BBS9: variants seen among roughly 807,000 people sequenced by gnomAD.
BBS9 encodes the protein protein PTHB1.
In BBS9, 89 loss-of-function variants were observed where a neutral mutation model predicts 117.7. The ratio of observed to expected loss-of-function variants is 0.76; its 90% CI spans 0.64 to 0.90. The LOEUF (loss-of-function observed/expected upper bound fraction) is 0.90, where lower values mean the gene tolerates loss of function less well. BBS9 is among the 40% of genes least tolerant of loss of function. BBS9 has a pLI of 0.00. For missense variants in BBS9, 982 were observed against 1,042.2 expected, an observed-to-expected ratio of 0.94 and a Z score of 0.80; for synonymous variants, 379 against 370.9, an observed-to-expected ratio of 1.02 and a Z score of -0.25.
At chr7:33,134,593 C>T (rs1454092882) in intron 1 of BBS9, among the ~76,000 whole-genome samples, 1 of 151,798 alleles carries the variant, frequency 6.6e-6, no homozygotes, top group Non-Finnish European at 1.5e-5. Context: ...CTACTTTATT[C>T]ATTTATTTTG....
intron 4 of BBS9, among the ~76,000 whole-genome samples, chr7:33,165,134 T>G (rs1795460539): frequency 6.6e-6 from 1 of 152,242 alleles, no homozygotes; most frequent in Admixed American, 6.5e-5. Context: ...AATTGTTTTC[T>G]TTAAGAATGT....
At chr7:33,154,168 A>G (rs1793761094) in intron 3 of BBS9, among the ~76,000 whole-genome samples, 1 of 152,196 alleles carries the variant, frequency 6.6e-6, no homozygotes, top group Non-Finnish European at 1.5e-5. Flanking sequence ...AAATTTCCAA[A>G]GGTGATACTG....
At chr7:33,149,530 C>G (rs1473142500) in intron 2 of BBS9, among the ~76,000 whole-genome samples, 1 of 152,170 alleles carries the variant, frequency 6.6e-6, no homozygotes, top group African/African-American at 2.4e-5. Context: ...TCTCTCAACT[C>G]AAGATTCAGA....
chr7:33,411,304 G>T (rs945667193), intron 19 of BBS9, among the ~76,000 whole-genome samples: 1 of 152,084 alleles, frequency 6.6e-6, no homozygotes, highest in Admixed American at 6.6e-5. Flanking sequence ...ATCAAGTTCA[G>T]TCATGAGTAG....
intron 5 of BBS9, among the ~76,000 whole-genome samples, chr7:33,222,952 C>CAAA (rs1417016025): frequency 4.0e-5 from 5 of 125,578 alleles, no homozygotes; most frequent in African/African-American, 1.2e-4. Flanking sequence ...GACCCTGTCT[C>CAAA]AAAAAAAAAA....
chr7:33,211,408 C>A lies in BBS9; in HGVS notation c.442+33817C>A, dbSNP rs1023013217. Among the ~76,000 whole-genome samples the A allele has an allele frequency of 1.4e-4, 21 of 152,152 alleles. No homozygotes were observed. The East Asian group carries it at 4.1e-3, about 29-fold the overall frequency. ...TTATTTTAAATTGATGACAGTATAA[C>A]CCTGATTGCATGAACAAAAAACAAA... is the stretch of plus-strand genomic sequence containing the variant. On this transcript the variant is annotated intron_variant, in intron 5 of 22. Coordinates refer to ENST00000242067, the MANE Select transcript of BBS9 (RefSeq NM_198428.3).
intron 19 of BBS9, among the ~76,000 whole-genome samples, chr7:33,446,180 A>G (rs976808963): frequency 1.5e-4 from 23 of 152,182 alleles, no homozygotes; most frequent in African/African-American, 5.5e-4. Flanking sequence ...AAACTCTTTC[A>G]TCATGGAATC....
chr7:33,210,804 G>A (rs1222292458), intron 5 of BBS9, among the ~76,000 whole-genome samples: 1 of 152,132 alleles, frequency 6.6e-6, no homozygotes, highest in Non-Finnish European at 1.5e-5. Flanking sequence ...TTACAGGCAT[G>A]AGCCACCGAG....
chr7:33,617,811 G>C (rs1865216392), intron 21 of BBS9, among the ~76,000 whole-genome samples: 1 of 152,138 alleles, frequency 6.6e-6, no homozygotes, highest in Non-Finnish European at 1.5e-5. Flanking sequence ...AAGAATCAGA[G>C]AGCCCAAAGA....
intron 7 of BBS9, among the ~76,000 whole-genome samples, chr7:33,269,374 A>G (rs184280917): frequency 0.011 from 1,644 of 152,270 alleles, 28 homozygotes; most frequent in African/African-American, 0.038. Flanking sequence ...TATGCCTGTC[A>G]GGGACCCTGG....
rs138227428 is a variant in BBS9 at position 33,289,575 on chromosome 7, A to T, written c.1016+15619A>T. Among the ~76,000 whole-genome samples, 1,346 of 152,298 alleles carry T rather than the reference A, an allele frequency of 8.8e-3. 17 individuals are homozygous for T. The highest frequency in any genetic ancestry group is 0.044 in the South Asian group (211 of 4,830). ...TGGTAGTGTTTGCATTTCAGATGCA[A>T]CATTTTGTATACTACTTTTTATCTT... On this transcript the variant is annotated intron_variant, in intron 9 of 22. Transcript: ENST00000242067.
intron 5 of BBS9, among the ~76,000 whole-genome samples, chr7:33,195,831 T>C (rs1184598920): frequency 2.0e-5 from 3 of 152,160 alleles, no homozygotes; most frequent in African/African-American, 7.2e-5. Context: ...AAAAGTAGAA[T>C]TTTTACCAAG....
chr7:33,152,018 C>G (rs954814220), intron 2 of BBS9, among the ~76,000 whole-genome samples: 1 of 152,282 alleles, frequency 6.6e-6, no homozygotes, highest in African/African-American at 2.4e-5. Context: ...CCACTGCACT[C>G]AGCTTTGCAT....
chr7:33,142,137 G>A (rs1295558262), intron 1 of BBS9, among the ~76,000 whole-genome samples: 1 of 152,068 alleles, frequency 6.6e-6, no homozygotes, highest in Non-Finnish European at 1.5e-5. Flanking sequence ...TAGCCAAGAT[G>A]GTTTTGATCT....
In BBS9 at chr7:33,485,123, AAC is replaced by A. The variant is rs1842929363; in HGVS notation, c.2116-20333_2116-20332del. On this transcript the variant is annotated intron_variant, in intron 19 of 22. Transcript: ENST00000242067. ...ACACATGGACACATTGTTGGGGGGC[AAC>A]ACACACTGGGACCTGTCGTGGGGAT... Among the ~76,000 whole-genome samples, 8 of 152,168 alleles carry A rather than the reference AAC, an allele frequency of 5.3e-5. No individual in the cohort carries two copies. The South Asian group carries it at 1.5e-3, about 28-fold the overall frequency.
At chr7:33,535,890 A>G (rs892936816) in intron 21 of BBS9, among the ~76,000 whole-genome samples, 3 of 152,082 alleles carry the variant, frequency 2.0e-5, no homozygotes, top group African/African-American at 7.2e-5. Flanking sequence ...AGCAGCCCCA[A>G]ATTCTCTTCT....
At chr7:33,455,218 C>A (rs745687197) in intron 19 of BBS9, among the ~76,000 whole-genome samples, 2 of 140,994 alleles carry the variant, frequency 1.4e-5, no homozygotes, top group Non-Finnish European at 3.1e-5. Context: ...AGTTCCTCAT[C>A]TGTAAAATAT....
chr7:33,631,782 C>G (rs1041516690), intron 21 of BBS9, among the ~76,000 whole-genome samples: 1 of 152,190 alleles, frequency 6.6e-6, no homozygotes, highest in African/African-American at 2.4e-5. Context: ...CAGAGGAACT[C>G]AACCTTGACG....
At chr7:33,606,937 A>G (rs1236760628), downstream of BBS9, among the ~76,000 whole-genome samples, 3 of 152,064 alleles carry the variant, frequency 2.0e-5, no homozygotes, top group Non-Finnish European at 2.9e-5. Context: ...AATCATTTCT[A>G]TAATGGAATG....
Sources: gnomAD v4.1 joint callset for allele counts (sites outside exome capture counted in the v4.1 genomes callset) on GRCh38, gnomAD v4.1.1 for gene constraint, MANE v1.5 for transcripts, NCBI Gene and HGNC (gene_info 2026-07-23, HGNC 2026-07-21) for gene names.